The following XXYLT1 variants were observed in gnomAD, a reference collection of about 807,000 sequenced individuals.
The protein encoded by XXYLT1 is xyloside xylosyltransferase 1.
XXYLT1 carries 20 observed loss-of-function variants against 28.9 expected under a neutral mutation model. The ratio of observed to expected loss-of-function variants is 0.69; its 90% CI spans 0.49 to 1.00. The LOEUF is 1.00. Ranked by LOEUF, XXYLT1 falls within the 50% of genes least tolerant of loss-of-function variation. The pLI, the probability that XXYLT1 is intolerant of heterozygous loss-of-function variation, is 0.00. For missense variants in XXYLT1, 542 were observed against 560.1 expected (o/e 0.97, Z 0.33); for synonymous variants, 257 against 253.8 (o/e 1.01, Z -0.12).
chr3:195,113,928 G>C (rs1717911884), intron 3 of XXYLT1, among the ~76,000 whole-genome samples: 2 of 152,200 alleles, frequency 1.3e-5, no homozygotes, highest in South Asian at 4.1e-4. Flanking sequence ...TCAAGGTAGA[G>C]ATGGGTGAAG....
intron 3 of XXYLT1, among the ~76,000 whole-genome samples, chr3:195,136,348 C>T (rs919221949): frequency 2.6e-5 from 4 of 152,046 alleles, no homozygotes; most frequent in Non-Finnish European, 5.9e-5. Context: ...ATAAATGGGA[C>T]TCAGTGACCC....
intron 3 of XXYLT1, among the ~76,000 whole-genome samples, chr3:195,149,718 C>T (rs922183387): frequency 2.0e-5 from 3 of 152,164 alleles, no homozygotes; most frequent in African/African-American, 7.2e-5. Context: ...TTCACTATTG[C>T]GGACTAGTTA....
At chr3:195,199,120 C>T (rs1385685329) in intron 2 of XXYLT1, among the ~76,000 whole-genome samples, 1 of 152,046 alleles carries the variant, frequency 6.6e-6, no homozygotes. Flanking sequence ...GATGGCTGGG[C>T]CCAGGGAGTC....
At chr3:195,233,443 T>G (rs1724388471) in intron 1 of XXYLT1, among the ~76,000 whole-genome samples, 1 of 152,232 alleles carries the variant, frequency 6.6e-6, no homozygotes, top group South Asian at 2.1e-4. Context: ...TGGTCTTCCC[T>G]TTTAGTAAAG....
At chr3:195,170,439 C>T (rs1721350341) in intron 2 of XXYLT1, among the ~76,000 whole-genome samples, 1 of 152,196 alleles carries the variant, frequency 6.6e-6, no homozygotes, top group Non-Finnish European at 1.5e-5. Context: ...ATTTATACAA[C>T]CTTCTTCCGA....
intron 1 of XXYLT1, among the ~76,000 whole-genome samples, chr3:195,266,620 C>A (rs1165469594): frequency 6.6e-6 from 1 of 152,188 alleles, no homozygotes; most frequent in Admixed American, 6.5e-5. Flanking sequence ...AGTTCCTGAA[C>A]GCCCACTGTG....
Position 195,226,752 on chromosome 3 carries a change from G to A in XXYLT1, c.609C>T (p.Ser203=), listed in dbSNP as rs371713329. Reference sequence around the variant, plus strand: ...GCATGGCGACCGAGAGGAAGAAGATGGAGTCACTGTAGTAGGTTCCCAAGC... The same window carrying A: ...GCATGGCGACCGAGAGGAAGAAGATAGAGTCACTGTAGTAGGTTCCCAAGC... ...SAGLGTYYSD[S]IFFLSVAMHQ... is the part of the protein sequence containing the mutation. The change falls in exon 2 of 4, where the codon TCC becomes TCT. Residue 203 remains serine, a synonymous_variant. Coordinates refer to ENST00000310380, the MANE Select transcript of XXYLT1 (RefSeq NM_152531.5). 297 of 1,613,854 alleles carry A rather than the reference G, an allele frequency of 1.8e-4. 1 individual carries two copies. The highest frequency in any genetic ancestry group is 1.8e-4 in the East Asian group (8 of 44,866).
chr3:195,089,191 C>A (rs1289517624), intron 3 of XXYLT1, among the ~76,000 whole-genome samples: 7 of 151,756 alleles, frequency 4.6e-5, no homozygotes, highest in South Asian at 2.1e-4. Context: ...CAAAGATACT[C>A]CTCGAGAAGA....
chr3:195,264,336 G>C (rs1725776801), intron 1 of XXYLT1, among the ~76,000 whole-genome samples: 1 of 152,250 alleles, frequency 6.6e-6, no homozygotes, highest in Non-Finnish European at 1.5e-5. Flanking sequence ...ATAGTTACTT[G>C]CTCAAACATG....
intron 3 of XXYLT1, among the ~76,000 whole-genome samples, chr3:195,087,994 G>GCACCCA (rs1196982720): frequency 6.6e-5 from 10 of 152,014 alleles, no homozygotes; most frequent in Admixed American, 4.6e-4. Context: ...AAAAAACGGC[G>GCACCCA]CACCACGAGA....
At position 195,257,631 on chromosome 3, in the gene XXYLT1, C is replaced by A. The variant is rs1049066172; in HGVS notation, c.504+12924G>T. Among the ~76,000 whole-genome samples the A allele has an allele frequency of 6.6e-6, 1 of 152,118 alleles. No individual in the cohort carries two copies. The highest frequency in any genetic ancestry group is 2.1e-4 in the South Asian group (1 of 4,824). On this transcript the variant is annotated intron_variant, in intron 1 of 3. Coordinates refer to ENST00000310380, the MANE Select transcript of XXYLT1 (RefSeq NM_152531.5). The surrounding 1 kb of genome is among the most constrained non-coding windows in gnomAD (Gnocchi z 4.3). ...CAGGTACATCCTGGCTGGGCCGGCA[C>A]GGGCCCCGTAGCTCTCCCTGTGGCT...
intron 3 of XXYLT1, among the ~76,000 whole-genome samples, chr3:195,104,987 G>C (rs1020346188): frequency 1.3e-5 from 2 of 152,238 alleles, no homozygotes; most frequent in Non-Finnish European, 2.9e-5. Context: ...GTATTGGGAT[G>C]CCTGGGACAA....
At chr3:195,212,754 G>T (rs910924397) in intron 2 of XXYLT1, among the ~76,000 whole-genome samples, 2 of 151,856 alleles carry the variant, frequency 1.3e-5, no homozygotes, top group Non-Finnish European at 2.9e-5. Flanking sequence ...ACCACCCCTC[G>T]GTCCACTGAA....
chr3:195,166,935 C>G (rs1341723493), intron 2 of XXYLT1, among the ~76,000 whole-genome samples: 1 of 152,150 alleles, frequency 6.6e-6, no homozygotes, highest in Non-Finnish European at 1.5e-5. Flanking sequence ...CCTCGGCCTC[C>G]CAAAGTGCTG....
intron 2 of XXYLT1, chr3:195,214,760 T>C (rs1723486703): frequency 6.6e-6 from 1 of 152,212 alleles, no homozygotes; most frequent in Admixed American, 6.5e-5. Flanking sequence ...GTCTGCCTCA[T>C]GACGGCTAAT....
intron 2 of XXYLT1, among the ~76,000 whole-genome samples, chr3:195,164,990 G>A (rs1191696543): frequency 6.6e-6 from 1 of 152,086 alleles, no homozygotes; most frequent in African/African-American, 2.4e-5. Flanking sequence ...TATTTCCAGT[G>A]AAAATTGGAG....
chr3:195,110,199 ATGTGTGGTGTGTGCG>A (rs1577038357), intron 3 of XXYLT1, among the ~76,000 whole-genome samples: 1 of 5,440 alleles, frequency 1.8e-4, no homozygotes, highest in Non-Finnish European at 5.1e-4. Flanking sequence ...GGTGAGGTGT[ATGTGTGGTGTGTGCG>A]TGTGTGGTGT....
intron 1 of XXYLT1, chr3:195,259,516 G>A (rs375195677): frequency 1.0e-6 from 1 of 960,140 alleles, no homozygotes; most frequent in Non-Finnish European, 1.2e-6. Context: ...CCTGCCAGGC[G>A]GCCCTTCCAG....
At chr3:195,080,238 A>G (rs1240155114) in intron 3 of XXYLT1, among the ~76,000 whole-genome samples, 1 of 152,192 alleles carries the variant, frequency 6.6e-6, no homozygotes, top group Non-Finnish European at 1.5e-5. Flanking sequence ...AAGACTAGGA[A>G]GGAAGGGGCC....
Sources: gnomAD v4.1 joint callset for allele counts (sites outside exome capture counted in the v4.1 genomes callset) on GRCh38, gnomAD v4.1.1 for gene constraint, Gnocchi (gnomAD v3.1) non-coding constraint, MANE v1.5 for transcripts, NCBI Gene and HGNC (gene_info 2026-07-23, HGNC 2026-07-21) for gene names.